Variants in MBNL1 observed in about 807,000 individuals in gnomAD.
The protein encoded by MBNL1 is muscleblind like splicing regulator 1.
Under a neutral mutation model 42.2 loss-of-function variants are expected in MBNL1, and 8 were observed. The observed-to-expected ratio is 0.19, with a 90% confidence interval of 0.11 to 0.34. MBNL1 has a LOEUF of 0.34. MBNL1 is among the 10% of genes least tolerant of loss of function. The pLI, the probability that MBNL1 is intolerant of heterozygous loss-of-function variation, is 1.00. For synonymous variants in MBNL1, 169 were observed against 173.9 expected, an observed-to-expected ratio of 0.97 and a Z score of 0.22; for missense variants, 309 against 495.3, an observed-to-expected ratio of 0.62 and a Z score of 3.57.
rs1748465132 is a variant in MBNL1 at position 152,463,270 on chromosome 3, G to GAT, written c.*912_*913dup. On this transcript the variant is annotated 3_prime_UTR_variant, in exon 10 of 10. Coordinates refer to ENST00000324210, the MANE Select transcript of MBNL1 (RefSeq NM_021038.5). ...ACATACTGGAGATATATATATAATA[G>GAT]ATATATATAAAATTATTTTAATGCA... 1.3e-5 allele frequency: 2 copies of GAT among 149,726 alleles called. No homozygotes were observed. The highest frequency in any genetic ancestry group is 3.0e-5 in the Non-Finnish European group (2 of 67,500). 9.3% of individuals were successfully genotyped at this position (149,726 alleles called of 1,614,324 possible).
intron 2 of MBNL1, among the ~76,000 whole-genome samples, chr3:152,258,078 C>T (rs2035698147): frequency 6.6e-6 from 1 of 152,130 alleles, no homozygotes; most frequent in South Asian, 2.1e-4. Flanking sequence ...AAAGGTATCT[C>T]TGTATACCTA....
At chr3:152,342,265 C>G (rs544915578) in intron 2 of MBNL1, among the ~76,000 whole-genome samples, 1 of 152,234 alleles carries the variant, frequency 6.6e-6, no homozygotes, top group East Asian at 1.9e-4. Flanking sequence ...GCACCTCCTT[C>G]CAACTCAATT....
At chr3:152,295,051 T>G (rs187551530) in intron 1 of MBNL1, among the ~76,000 whole-genome samples, 18 of 152,352 alleles carry the variant, frequency 1.2e-4, no homozygotes, top group Admixed American at 1.0e-3. Flanking sequence ...CTAGCTAGAC[T>G]AATGCATAAT....
At chr3:152,303,022 T>TA (rs10572799) in intron 2 of MBNL1, among the ~76,000 whole-genome samples, 79 of 147,776 alleles carry the variant, frequency 5.3e-4, no homozygotes, top group African/African-American at 6.2e-4. Context: ...TTTATTTCAT[T>TA]AAAAAAAAAA....
intron 1 of MBNL1, among the ~76,000 whole-genome samples, chr3:152,291,059 T>C (rs1247965308): frequency 2.0e-5 from 3 of 152,212 alleles, no homozygotes; most frequent in Admixed American, 1.3e-4. Flanking sequence ...AGATCAGATA[T>C]GTCTACCTGA....
At chr3:152,337,337 T>C (rs1578197589) in intron 2 of MBNL1, among the ~76,000 whole-genome samples, 1 of 152,098 alleles carries the variant, frequency 6.6e-6, no homozygotes, top group Admixed American at 6.6e-5. Context: ...CTAAATTAGT[T>C]GGCCAAGCAC....
At chr3:152,343,276 A>G (rs2093661515) in intron 2 of MBNL1, among the ~76,000 whole-genome samples, 1 of 152,164 alleles carries the variant, frequency 6.6e-6, no homozygotes, top group African/African-American at 2.4e-5. Context: ...TCTCTTTTGA[A>G]GCAGAACCCA....
At chr3:152,414,085 T>C (rs1454144009) in intron 2 of MBNL1, among the ~76,000 whole-genome samples, 1 of 152,174 alleles carries the variant, frequency 6.6e-6, no homozygotes, top group African/African-American at 2.4e-5. Flanking sequence ...CTCCATTATT[T>C]CAGTCCAGGC....
intron 2 of MBNL1, chr3:152,302,047 A>G (rs1325674812): frequency 2.0e-5 from 3 of 152,116 alleles, no homozygotes; most frequent in South Asian, 2.1e-4. Context: ...TTCAGTTGCT[A>G]TTTTTCCATC....
chr3:152,382,483 T>G (rs1367185403), intron 2 of MBNL1, among the ~76,000 whole-genome samples: 1 of 152,032 alleles, frequency 6.6e-6, no homozygotes, highest in African/African-American at 2.4e-5. Flanking sequence ...TCCCTAAAGC[T>G]TCAAGTAATT....
intron 2 of MBNL1, among the ~76,000 whole-genome samples, chr3:152,345,144 G>A (rs537973582): frequency 5.3e-5 from 8 of 151,842 alleles, no homozygotes; most frequent in African/African-American, 1.7e-4. Context: ...AATTCACTGT[G>A]GGAGTTTTAA....
chr3:152,300,823 CTT>C, intron 2 of MBNL1: 2 of 416,642 alleles, frequency 4.8e-6, no homozygotes, highest in East Asian at 1.6e-4. Flanking sequence ...ACTTTTTACT[CTT>C]TTAATATTTT....
In MBNL1 at chr3:152,323,243, A is replaced by C. The variant is rs547660955; in HGVS notation, c.174+22876A>C. ...TAAAGGAACTTAAAAAAGTGATAGG[A>C]TCAATATAGTAATAATTCTAACTCC... On this transcript the variant is annotated intron_variant, in intron 2 of 9. Coordinates refer to ENST00000324210, the MANE Select transcript of MBNL1 (RefSeq NM_021038.5). Among the ~76,000 whole-genome samples the C allele has an allele frequency of 4.6e-5, 7 of 152,232 alleles. No individual in the cohort carries two copies. In the South Asian group the frequency reaches 1.5e-3, roughly 32 times the overall value.
At chr3:152,390,296 A>G (rs1266644844) in intron 2 of MBNL1, among the ~76,000 whole-genome samples, 1 of 151,710 alleles carries the variant, frequency 6.6e-6, no homozygotes, top group Non-Finnish European at 1.5e-5. Context: ...AAAAACTAAG[A>G]CACAAACGTA....
intron 1 of MBNL1, chr3:152,244,149 C>T (rs1207515191): frequency 6.6e-6 from 1 of 152,182 alleles, no homozygotes; most frequent in African/African-American, 2.4e-5. Flanking sequence ...TTTGCTTACA[C>T]ATATAAACAT....
chr3:152,303,548 AAAAAG>A (rs1233855716), intron 2 of MBNL1, among the ~76,000 whole-genome samples: 1 of 152,158 alleles, frequency 6.6e-6, no homozygotes, highest in Non-Finnish European at 1.5e-5. Context: ...AGAGATAGGA[AAAAAG>A]AAAAGAAAAA....
chr3:152,459,919 T>TACTTCATCCTATGCACC (rs370049783), intron 9 of MBNL1, among the ~76,000 whole-genome samples: 1 of 151,248 alleles, frequency 6.6e-6, no homozygotes, highest in African/African-American at 2.4e-5. Context: ...GACCATGTAC[T>TACTTCATCCTATGCACC]TACTTCATCC....
chr3:152,298,369 G>A (rs929446391), intron 1 of MBNL1, among the ~76,000 whole-genome samples: 1 of 152,192 alleles, frequency 6.6e-6, no homozygotes, highest in Non-Finnish European at 1.5e-5. Flanking sequence ...TAGTCTTGTG[G>A]TGCTGAGTTA....
chr3:152,447,737 A>G lies in MBNL1; in HGVS notation c.925A>G (p.Met309Val), dbSNP rs199584167. 1.2e-6 allele frequency: 2 copies of G among 1,613,876 alleles called. No individual in the cohort carries two copies. Among genetic ancestry groups the G allele is most frequent in the East Asian group, 2.2e-5 (1 of 44,860 alleles). Reference sequence around the variant, plus strand: ...CCAATACCAACAGGCTCTAGCCAACATGCAGTTACAACAGCATACAGCATT... The same window carrying G: ...CCAATACCAACAGGCTCTAGCCAACGTGCAGTTACAACAGCATACAGCATT... Reference protein sequence around the residue: ...IFQYQQALANMQLQQHTAFLP... With the variant: ...IFQYQQALANVQLQQHTAFLP... The change falls in exon 6 of 10, where the codon ATG becomes GTG. Residue 309 changes from methionine (M) to valine (V), a missense_variant. Physicochemically the swap from Met to Val is conservative, Grantham distance 21. Coordinates refer to ENST00000324210, the MANE Select transcript of MBNL1 (RefSeq NM_021038.5).
Sources: gnomAD v4.1 joint callset for allele counts (sites outside exome capture counted in the v4.1 genomes callset) on GRCh38, gnomAD v4.1.1 for gene constraint, MANE v1.5 for transcripts, NCBI Gene and HGNC (gene_info 2026-07-23, HGNC 2026-07-21) for gene names.